The following SLC12A3 variants were observed in gnomAD, a reference collection of about 807,000 sequenced individuals.
The protein encoded by SLC12A3 is solute carrier family 12 member 3, also known as Na-Cl cotransporter.
A neutral mutation model predicts 121.0 loss-of-function variants in SLC12A3; 104 were observed. The observed-to-expected ratio is 0.86, with a 90% CI of 0.73 to 1.01. The LOEUF (loss-of-function observed/expected upper bound fraction) is 1.01, where lower values mean the gene tolerates loss of function less well. Ranked by LOEUF, SLC12A3 falls within the 50% of genes least tolerant of loss-of-function variation. The pLI is 0.00. For synonymous variants in SLC12A3, 536 were observed against 533.4 expected (o/e 1.00, Z -0.07); for missense variants, 1,328 against 1,356.3 (o/e 0.98, Z 0.33).
Position 56,885,314 on chromosome 16 carries a change from C to CA in SLC12A3, c.1876dup (p.Ser626LysfsTer8). The CA allele has an allele frequency of 6.4e-7, 1 of 1,556,244 alleles. No individual in the cohort carries two copies. Among genetic ancestry groups the CA allele is most frequent in the Non-Finnish European group, 8.7e-7 (1 of 1,149,498 alleles). On this transcript the variant is annotated frameshift_variant, in exon 15 of 26. Coordinates refer to ENST00000563236, the MANE Select transcript of SLC12A3 (RefSeq NM_001126108.2). LOFTEE classifies it high-confidence loss of function. The stretch of plus-strand genomic sequence containing the variant: ...AGGCTGGCTCCTACAACCTGGCCCT[C>CA]AGCTACTCGGTGGGCCTCAATGAGG...
intron 10 of SLC12A3, among the ~76,000 whole-genome samples, 157 bp from the exon 11 acceptor site, chr16:56,879,385 G>A (rs2055206900): frequency 6.6e-6 from 1 of 152,112 alleles, no homozygotes; most frequent in Non-Finnish European, 1.5e-5. Flanking sequence ...GTCCAGTCCC[G>A]ACTTGTGGGT....
chr16:56,892,420 A>G (rs769603220), intron 20 of SLC12A3, among the ~76,000 whole-genome samples: 11 of 152,108 alleles, frequency 7.2e-5, no homozygotes, highest in Non-Finnish European at 1.3e-4. Flanking sequence ...GCACCACTAC[A>G]TTGCCAGCCT....
At chr16:56,904,684 G>A (rs913165660) in intron 25 of SLC12A3, 23 of 544,200 alleles carry the variant, frequency 4.2e-5, no homozygotes, top group African/African-American at 9.5e-5. Flanking sequence ...AGGGCCTCAC[G>A]TGTCCCAGGC....
At chr16:56,912,790 G>A (rs1034975861) in intron 25 of SLC12A3, among the ~76,000 whole-genome samples, 2 of 152,186 alleles carry the variant, frequency 1.3e-5, no homozygotes, top group Admixed American at 1.3e-4. Flanking sequence ...GTGAGGAAGA[G>A]GCGTGGGCGG....
chr16:56,902,433 G>A lies in SLC12A3; in HGVS notation c.2781G>A (p.Glu927=), dbSNP rs2144766852. The A allele has an allele frequency of 1.2e-6, 2 of 1,613,618 alleles. No homozygotes were observed. The highest frequency in any genetic ancestry group is 2.2e-5 in the East Asian group (1 of 44,852). Residue 927 remains glutamate (E), a synonymous_variant, in exon 24 of 26, where the codon GAG becomes GAA. Transcript: ENST00000563236. ...PFRLNDGFKD[E]ATVNEMRRDC... ...GTCTGAATGATGGCTTCAAGGATGA[G>A]GCCACTGTCAACGAGATGCGGCGGG...
In SLC12A3 at chr16:56,904,449, G is replaced by T; in HGVS notation, c.2911G>T (p.Ala971Ser). ...EIVLDYSRDA[A>S]LIVITLPIGR... The stretch of plus-strand genomic sequence containing the variant: ...TGTGCTGGATTACTCCCGAGACGCT[G>T]CTCTCATCGTCATGTAAGTAGTGCC... The change falls in exon 25 of 26, where the codon GCT (alanine) becomes TCT (serine). Residue 971 changes from alanine (A) to serine (S), a missense_variant. By Grantham distance (99) the Ala-to-Ser change is moderately conservative (BLOSUM62 1). Transcript: ENST00000563236. 1 of 1,613,780 alleles carries T rather than the reference G, an allele frequency of 6.2e-7. No individual in the cohort carries two copies. The highest frequency in any genetic ancestry group is 8.5e-7 in the Non-Finnish European group (1 of 1,179,726).
At chr16:56,903,586 A>G (rs1334586326) in intron 24 of SLC12A3, among the ~76,000 whole-genome samples, 5 of 152,070 alleles carry the variant, frequency 3.3e-5, no homozygotes, top group Admixed American at 1.3e-4. Context: ...GTATGCCCCA[A>G]ATAACTACAG....
At position 56,902,455 on chromosome 16, in the gene SLC12A3, C is replaced by T. The variant is rs56125220; in HGVS notation, c.2803C>T (p.Arg935Trp). 3.1e-4 allele frequency: 467 copies of T among 1,503,926 alleles called. No homozygotes were observed. Among genetic ancestry groups the T allele is most frequent in the Middle Eastern group, 5.5e-4 (3 of 5,472 alleles). 93.2% of individuals were successfully genotyped at this position (1,503,926 alleles called of 1,614,324 possible). ...KDEATVNEMR[R>W]DCPWKISDEE... ...TGAGGCCACTGTCAACGAGATGCGG[C>T]GGGACTGCCCCTGGAAGATCTCAGA... Residue 935 changes from arginine to tryptophan, a missense_variant, in exon 24 of 26, where the codon CGG (arginine) becomes TGG (tryptophan). Coordinates refer to ENST00000563236, the MANE Select transcript of SLC12A3 (RefSeq NM_001126108.2).
At chr16:56,883,369 C>A (rs1264320405) in intron 13 of SLC12A3, among the ~76,000 whole-genome samples, 1 of 151,034 alleles carries the variant, frequency 6.6e-6, no homozygotes, top group Non-Finnish European at 1.5e-5. Context: ...CAAGCTCCAC[C>A]TCCCGGGTTC....
Position 56,902,371 on chromosome 16 carries a change from A to C in SLC12A3, c.2721-2A>C. 6.2e-7 allele frequency: 1 copy of C among 1,614,120 alleles called. No homozygotes were observed. Among genetic ancestry groups the C allele is most frequent in the South Asian group, 1.1e-5 (1 of 91,082 alleles). ...GGCCTCAACCCACTTTCTCGTCCCC[A>C]GCACCAAGAGGTTTGAGGACATGAT... is the stretch of plus-strand genomic sequence containing the variant. On this transcript the variant is annotated splice_acceptor_variant, in intron 23 of 25. Transcript: ENST00000563236. LOFTEE classifies it high-confidence loss of function.
rs2004916 is a variant in SLC12A3, at chr16:56,883,546, C to G, written c.1670-503C>G. Among the ~76,000 whole-genome samples, 35,248 of 152,038 alleles carry G rather than the reference C, an allele frequency of 0.23. 5,182 individuals are homozygous for G. Among genetic ancestry groups the G allele is most frequent in the East Asian group, 0.49 (2,545 of 5,164 alleles). On this transcript the variant is annotated intron_variant, in intron 13 of 25. Transcript: ENST00000563236. ...CCGCCCGCCTCAGCCTCCCAAAGTGCTGGGATTACAGTTGTGCCTGGCTGA... is the reference window on the plus strand; with the variant it reads ...CCGCCCGCCTCAGCCTCCCAAAGTGGTGGGATTACAGTTGTGCCTGGCTGA...
intron 21 of SLC12A3, among the ~76,000 whole-genome samples, chr16:56,893,952 A>C (rs2055424953): frequency 8.3e-6 from 1 of 120,604 alleles, no homozygotes; most frequent in African/African-American, 3.1e-5. Context: ...TAATTTTTGT[A>C]TTTTTATTTT....
At chr16:56,898,709 A>G (rs1320310855) in intron 22 of SLC12A3, among the ~76,000 whole-genome samples, 1 of 152,156 alleles carries the variant, frequency 6.6e-6, no homozygotes, top group Non-Finnish European at 1.5e-5. Context: ...AAACCACAGT[A>G]GGCTTCTCCT....
chr16:56,906,704 A>T, intron 25 of SLC12A3: 1 of 555,628 alleles, frequency 1.8e-6, no homozygotes, highest in Non-Finnish European at 3.1e-6. Flanking sequence ...TCATCTTTGC[A>T]TTTGGATTTA....
In SLC12A3 at chr16:56,897,577, T is replaced by G. The variant is rs547622872; in HGVS notation, c.2634-1953T>G. On this transcript the variant is annotated intron_variant, in intron 22 of 25. Transcript: ENST00000563236. ...CTGCAATGCTAAGGAAAGTGTTGCTTGGGAAAAGCAGCATCTGCCTTCTCT... is the reference window on the plus strand; with the variant it reads ...CTGCAATGCTAAGGAAAGTGTTGCTGGGGAAAAGCAGCATCTGCCTTCTCT... Among the ~76,000 whole-genome samples the G allele has an allele frequency of 3.9e-5, 6 of 152,320 alleles. No individual in the cohort carries two copies. In the East Asian group the frequency reaches 1.2e-3, roughly 29 times the overall value.
intron 19 of SLC12A3, 100 bp downstream of exon 19, chr16:56,890,456 T>C (rs2055374156): frequency 1.0e-6 from 1 of 981,008 alleles, no homozygotes; most frequent in African/African-American, 1.6e-5. Context: ...GGTTACAGAC[T>C]CATAGAAAGT....
chr16:56,866,721 G>A (rs1190576823), intron 1 of SLC12A3, among the ~76,000 whole-genome samples: 3 of 152,070 alleles, frequency 2.0e-5, no homozygotes, highest in Non-Finnish European at 4.4e-5. Flanking sequence ...ATCCTCCTAT[G>A]TCAGCCTCCT....
intron 16 of SLC12A3, 81 bp from the exon 17 acceptor site, chr16:56,886,872 C>G: frequency 1.9e-6 from 3 of 1,588,274 alleles, no homozygotes; most frequent in Middle Eastern, 1.9e-4. Flanking sequence ...CCTGGGGCAG[C>G]CTCCAGGGCA....
chr16:56,892,704 C>T (rs934349296), intron 20 of SLC12A3, among the ~76,000 whole-genome samples: 21 of 152,176 alleles, frequency 1.4e-4, no homozygotes, highest in African/African-American at 5.1e-4. Context: ...ATGGAGAGTG[C>T]ACTTCCCTAC....
Sources: allele counts gnomAD v4.1 joint callset (sites outside exome capture counted in the v4.1 genomes callset), GRCh38; gene constraint gnomAD v4.1.1; transcripts MANE v1.5; gene names NCBI Gene and HGNC (gene_info 2026-07-23, HGNC 2026-07-21).